RIMS2: variants seen among roughly 807,000 people sequenced by gnomAD.
RIMS2 encodes the protein regulating synaptic membrane exocytosis protein 2.
Under a neutral mutation model 174.4 loss-of-function variants are expected in RIMS2, and 59 were observed. The observed-to-expected ratio is 0.34, with a 90% CI of 0.27 to 0.42. RIMS2 has a LOEUF of 0.42. Ranked by LOEUF, RIMS2 falls within the 10% of genes least tolerant of loss-of-function variation. The pLI, the probability that RIMS2 is intolerant of heterozygous loss-of-function variation, is 1.00. For missense variants in RIMS2, 1,620 were observed against 1,666.3 expected, an observed-to-expected ratio of 0.97 and a Z score of 0.48; for synonymous variants, 606 against 572.5, an observed-to-expected ratio of 1.06 and a Z score of -0.84.
intron 19 of RIMS2, among the ~76,000 whole-genome samples, chr8:104,138,231 C>T (rs991592636): frequency 6.6e-6 from 1 of 152,100 alleles, no homozygotes; most frequent in African/African-American, 2.4e-5. Context: ...TCTTGGCTGT[C>T]ATGAATAGTG....
chr8:103,695,731 T>G (rs555307666), intron 1 of RIMS2, among the ~76,000 whole-genome samples: 150 of 151,928 alleles, frequency 9.9e-4, no homozygotes, highest in African/African-American at 3.0e-3. Flanking sequence ...GACAGTTTTT[T>G]TTTGTTTGTT....
intron 19 of RIMS2, among the ~76,000 whole-genome samples, chr8:104,153,077 T>C (rs1223142002): frequency 6.6e-6 from 1 of 152,148 alleles, no homozygotes; most frequent in Non-Finnish European, 1.5e-5. Context: ...TAAATAATAA[T>C]TGGCAAAGGA....
intron 19 of RIMS2, among the ~76,000 whole-genome samples, chr8:104,030,536 C>G (rs993358117): frequency 1.3e-5 from 2 of 152,150 alleles, no homozygotes; most frequent in Non-Finnish European, 2.9e-5. Flanking sequence ...CACTTCCCAT[C>G]TCCATTACTA....
chr8:103,934,856 C>T (rs1273984787), intron 12 of RIMS2, among the ~76,000 whole-genome samples: 1 of 152,106 alleles, frequency 6.6e-6, no homozygotes, highest in Non-Finnish European at 1.5e-5. Flanking sequence ...TGCCACCGTT[C>T]CTGGCTAATT....
chr8:103,604,166 A>C (rs201327703), intron 1 of RIMS2, among the ~76,000 whole-genome samples: 1 of 149,886 alleles, frequency 6.7e-6, no homozygotes, highest in Admixed American at 6.6e-5. Context: ...ATCTTGAATT[A>C]ATTTTTGTAT....
chr8:103,960,323 A>G (rs900845444), intron 14 of RIMS2, among the ~76,000 whole-genome samples: 2 of 152,218 alleles, frequency 1.3e-5, no homozygotes, highest in African/African-American at 4.8e-5. Flanking sequence ...AAATTTTGCT[A>G]TAGATTTGTT....
At chr8:103,799,705 C>G (rs2098592150) in intron 3 of RIMS2, among the ~76,000 whole-genome samples, 1 of 152,154 alleles carries the variant, frequency 6.6e-6, no homozygotes, top group Non-Finnish European at 1.5e-5. Context: ...TACATTGAAG[C>G]TGAGGATCCC....
At chr8:103,796,475 C>G (rs909575206) in intron 3 of RIMS2, among the ~76,000 whole-genome samples, 1 of 152,088 alleles carries the variant, frequency 6.6e-6, no homozygotes, top group African/African-American at 2.4e-5. Flanking sequence ...AACTCAAAAG[C>G]CTGTTATGCC....
intron 3 of RIMS2, among the ~76,000 whole-genome samples, chr8:103,805,748 G>C (rs1328595502): frequency 1.3e-5 from 2 of 151,678 alleles, no homozygotes; most frequent in African/African-American, 4.8e-5. Flanking sequence ...ATTTCTTAGA[G>C]CTAGTTTTCA....
intron 1 of RIMS2, among the ~76,000 whole-genome samples, chr8:103,664,344 TACAGAATGGGAGA>T (rs778055882): frequency 1.1e-4 from 16 of 151,980 alleles, no homozygotes; most frequent in Admixed American, 2.6e-4. Context: ...GAACAGGCAG[TACAGAATGGGAGA>T]AAACCTTTGC....
chr8:103,782,152 TGA>T (rs1212481352), intron 3 of RIMS2, among the ~76,000 whole-genome samples: 2 of 152,168 alleles, frequency 1.3e-5, no homozygotes, highest in African/African-American at 4.8e-5. Flanking sequence ...TATTTTTGTT[TGA>T]GTGTGTATTT....
intron 3 of RIMS2, among the ~76,000 whole-genome samples, chr8:103,806,480 G>T (rs1221839005): frequency 1.3e-5 from 2 of 152,126 alleles, no homozygotes; most frequent in Non-Finnish European, 2.9e-5. Context: ...TTTGTCACCA[G>T]CCATTTGGTC....
chr8:103,733,030 G>A (rs929310232), intron 2 of RIMS2, among the ~76,000 whole-genome samples: 4 of 152,118 alleles, frequency 2.6e-5, no homozygotes, highest in Non-Finnish European at 5.9e-5. Flanking sequence ...GCTGCAATGT[G>A]CTGAGTAACA....
intron 1 of RIMS2, among the ~76,000 whole-genome samples, chr8:103,553,645 C>T (rs977250883): frequency 6.6e-6 from 1 of 152,004 alleles, no homozygotes; most frequent in Admixed American, 6.6e-5. Flanking sequence ...TTTACAGATT[C>T]AGTGCTATTC....
At chr8:103,712,626 T>C (rs941099493) in intron 2 of RIMS2, among the ~76,000 whole-genome samples, 2 of 152,162 alleles carry the variant, frequency 1.3e-5, no homozygotes, top group Admixed American at 1.3e-4. Context: ...TATAATGAAT[T>C]CTAATCATAA....
intron 1 of RIMS2, among the ~76,000 whole-genome samples, chr8:103,554,998 A>G (rs528587794): frequency 6.6e-6 from 1 of 152,270 alleles, no homozygotes; most frequent in South Asian, 2.1e-4. Context: ...CATGGACACA[A>G]TGAAGGGAAT....
intron 1 of RIMS2, chr8:103,568,588 C>G: frequency 1.9e-6 from 1 of 524,864 alleles, no homozygotes; most frequent in East Asian, 4.4e-5. Flanking sequence ...TACTTCTTGT[C>G]TTCAGCTGTA....
At chr8:103,978,800 A>G (rs2093660683) in intron 16 of RIMS2, among the ~76,000 whole-genome samples, 2 of 152,232 alleles carry the variant, frequency 1.3e-5, no homozygotes, top group African/African-American at 4.8e-5. Flanking sequence ...CCCCCAAAAA[A>G]ATTAGCAATG....
intron 19 of RIMS2, among the ~76,000 whole-genome samples, chr8:104,037,382 C>A (rs1452834852): frequency 6.6e-6 from 1 of 152,126 alleles, no homozygotes; most frequent in Non-Finnish European, 1.5e-5. Flanking sequence ...GTGTCAGGAA[C>A]GTTTTTAACA....
Sources: allele counts gnomAD v4.1 joint callset (sites outside exome capture counted in the v4.1 genomes callset), GRCh38; gene constraint gnomAD v4.1.1; transcripts MANE v1.5; gene names NCBI Gene and HGNC (gene_info 2026-07-23, HGNC 2026-07-21).